The following ERC2 variants were observed in gnomAD, a reference collection of about 807,000 sequenced individuals.
ERC2 encodes the protein ELKS/RAB6-interacting/CAST family member 2, also known as ERC protein 2.
A neutral mutation model predicts 114.8 loss-of-function variants in ERC2; 42 were observed. The observed-to-expected ratio is 0.37, with a 90% CI of 0.29 to 0.47. The LOEUF (loss-of-function observed/expected upper bound fraction) is 0.47. Among genes scored for constraint, ERC2 ranks in the 20% least tolerant of loss-of-function variants. The pLI is 0.99. For missense variants in ERC2, 939 were observed against 1,150.7 expected (o/e 0.82, Z 2.66); for synonymous variants, 454 against 425.5 (o/e 1.07, Z -0.82).
intron 6 of ERC2, among the ~76,000 whole-genome samples, chr3:56,134,927 TTTG>T (rs2080415260): frequency 7.7e-6 from 1 of 129,284 alleles, no homozygotes; most frequent in African/African-American, 3.3e-5. Context: ...TTTGTTTTTT[TTTG>T]TTTTTGTTTT....
chr3:56,455,691 A>T (rs2063030989), intron 1 of ERC2, among the ~76,000 whole-genome samples: 1 of 152,222 alleles, frequency 6.6e-6, no homozygotes, highest in Non-Finnish European at 1.5e-5. Flanking sequence ...ACTTAATATG[A>T]TCTTCTTGAA....
rs1409248610 is a variant in ERC2 at position 55,737,572 on chromosome 3, T to C, written c.2565-2654A>G. Among the ~76,000 whole-genome samples the C allele has an allele frequency of 2.0e-5, 3 of 152,220 alleles. No homozygotes were observed. In the East Asian group the frequency reaches 5.8e-4, roughly 29 times the overall value. On this transcript the variant is annotated intron_variant, in intron 14 of 17. Transcript: ENST00000288221. ...AACTGAAATATCTAAGTGAAGCTTT[T>C]TTAATGAAAACAAACTAAAGGACCG...
intron 14 of ERC2, among the ~76,000 whole-genome samples, chr3:55,794,996 C>T (rs1938142834): frequency 6.6e-6 from 1 of 152,110 alleles, no homozygotes; most frequent in Non-Finnish European, 1.5e-5. Context: ...GGTTGATTTG[C>T]TTCAAATGGT....
intron 14 of ERC2, among the ~76,000 whole-genome samples, chr3:55,788,428 G>A (rs962460438): frequency 1.3e-5 from 2 of 152,110 alleles, no homozygotes; most frequent in Non-Finnish European, 2.9e-5. Context: ...AGCTACAATG[G>A]GAGGACAACA....
At chr3:55,733,484 AC>A in intron 15 of ERC2, among the ~76,000 whole-genome samples, 2 of 77,086 alleles carry the variant, frequency 2.6e-5, no homozygotes, top group Admixed American at 1.1e-4. Context: ...ACACACACAC[AC>A]ATTCTCTGTC....
At chr3:56,133,176 G>A (rs905650360) in intron 6 of ERC2, among the ~76,000 whole-genome samples, 3 of 152,166 alleles carry the variant, frequency 2.0e-5, no homozygotes, top group Non-Finnish European at 2.9e-5. Context: ...GGTGGCTCAC[G>A]CCTGTAATCC....
At chr3:55,718,350 C>A (rs915420912) in intron 15 of ERC2, among the ~76,000 whole-genome samples, 1 of 152,140 alleles carries the variant, frequency 6.6e-6, no homozygotes, top group Non-Finnish European at 1.5e-5. Flanking sequence ...GATTACTGGG[C>A]ACGCATGACT....
At chr3:56,296,498 A>G in intron 2 of ERC2, 63 bp from the exon 3 acceptor site, 2 of 1,495,292 alleles carry the variant, frequency 1.3e-6, no homozygotes, top group Non-Finnish European at 1.8e-6. Flanking sequence ...GAAAATGTCA[A>G]GTGCCGCTTG....
At chr3:55,847,777 T>A (rs1346800552) in intron 14 of ERC2, among the ~76,000 whole-genome samples, 1 of 152,198 alleles carries the variant, frequency 6.6e-6, no homozygotes, top group Non-Finnish European at 1.5e-5. Context: ...TCTCACTTCA[T>A]TGCTTATACA....
intron 14 of ERC2, among the ~76,000 whole-genome samples, chr3:55,824,295 A>G (rs928931382): frequency 1.3e-5 from 2 of 152,200 alleles, no homozygotes; most frequent in African/African-American, 4.8e-5. Flanking sequence ...CTGGATATCA[A>G]CACACAAGTG....
chr3:56,296,464 G>C (rs199720563), intron 2 of ERC2, 29 bp from the exon 3 acceptor site: 1 of 1,567,690 alleles, frequency 6.4e-7, no homozygotes, highest in East Asian at 2.3e-5. Flanking sequence ...AGCGGGAGAG[G>C]AGAAAGAAGG....
chr3:56,280,357 A>G (rs1296769508), intron 3 of ERC2, among the ~76,000 whole-genome samples: 6 of 152,146 alleles, frequency 3.9e-5, no homozygotes, highest in Non-Finnish European at 5.9e-5. Context: ...ATTGTCTAAA[A>G]CCACTAAGTT....
intron 2 of ERC2, among the ~76,000 whole-genome samples, chr3:56,299,090 T>C (rs1427068989): frequency 6.6e-6 from 1 of 151,022 alleles, no homozygotes; most frequent in Non-Finnish European, 1.5e-5. Context: ...GCTAGATAGG[T>C]AGATAGTTTT....
intron 3 of ERC2, among the ~76,000 whole-genome samples, chr3:56,274,989 G>A (rs780533938): frequency 2.0e-5 from 3 of 152,110 alleles, no homozygotes; most frequent in Non-Finnish European, 2.9e-5. Flanking sequence ...TTTACCATGT[G>A]AGCCTCATCT....
intron 17 of ERC2, among the ~76,000 whole-genome samples, chr3:55,581,538 T>C (rs2057261967): frequency 6.6e-6 from 1 of 152,060 alleles, no homozygotes; most frequent in African/African-American, 2.4e-5. Flanking sequence ...TCACCATTTG[T>C]GGCCAGCACT....
chr3:55,826,045 G>A (rs2060313931), intron 14 of ERC2, among the ~76,000 whole-genome samples: 1 of 151,702 alleles, frequency 6.6e-6, no homozygotes, highest in African/African-American at 2.4e-5. Flanking sequence ...AAGGAAGGGA[G>A]GAAGGGAGGG....
intron 3 of ERC2, among the ~76,000 whole-genome samples, chr3:56,180,200 T>C (rs1294352938): frequency 6.6e-6 from 1 of 152,174 alleles, no homozygotes; most frequent in Non-Finnish European, 1.5e-5. Context: ...GTCAAGGTCA[T>C]TAGTGACCTC....
chr3:56,101,204 C>G (rs1467342978), intron 6 of ERC2, among the ~76,000 whole-genome samples: 1 of 152,170 alleles, frequency 6.6e-6, no homozygotes, highest in Non-Finnish European at 1.5e-5. Flanking sequence ...GGACTGCAGG[C>G]TGGTGCGCCT....
At chr3:55,742,481 G>A (rs1575452418) in intron 14 of ERC2, among the ~76,000 whole-genome samples, 2 of 152,304 alleles carry the variant, frequency 1.3e-5, no homozygotes, top group East Asian at 1.9e-4. Flanking sequence ...CTTTAGGAAT[G>A]CATTCAATTA....
Sources: gnomAD v4.1 joint callset for allele counts (sites outside exome capture counted in the v4.1 genomes callset) on GRCh38, gnomAD v4.1.1 for gene constraint, MANE v1.5 for transcripts, NCBI Gene and HGNC (gene_info 2026-07-23, HGNC 2026-07-21) for gene names.